The following UCK1 variants were observed in gnomAD, a reference collection of about 807,000 sequenced individuals.
The protein encoded by UCK1 is cytidine monophosphokinase 1.
Under a neutral mutation model 34.0 loss-of-function variants are expected in UCK1, and 20 were observed. That is an observed-to-expected ratio of 0.59 (90% CI 0.41 to 0.86). The LOEUF (loss-of-function observed/expected upper bound fraction) is 0.86, where lower values mean the gene tolerates loss of function less well. Among genes scored for constraint, UCK1 ranks in the 40% least tolerant of loss-of-function variants. The probability of loss-of-function intolerance (pLI) is 0.00; values close to 1 mark genes in which losing one functional copy is unlikely to be tolerated. For synonymous variants in UCK1, 168 were observed against 155.9 expected, an observed-to-expected ratio of 1.08 and a Z score of -0.58; for missense variants, 343 against 383.6, an observed-to-expected ratio of 0.89 and a Z score of 0.88.
At chr9:131,526,092 C>G in intron 5 of UCK1, 115 bp from the exon 6 acceptor site, 1 of 1,211,652 alleles carries the variant, frequency 8.3e-7, no homozygotes, top group Non-Finnish European at 1.2e-6. Context: ...CTCAGAGGTG[C>G]TGGTGTCATC....
rs1950425803 is a variant in UCK1 at position 131,523,886 on chromosome 9, C to G, written c.*1154G>C. On this transcript the variant is annotated 3_prime_UTR_variant, in exon 7 of 7. Transcript: ENST00000372215. The stretch of plus-strand genomic sequence containing the variant: ...ACCGTTACAGTTGTCAGAACCCAGC[C>G]ACAGGGCTCAGCCCCCTTCCCCCAC... The G allele has an allele frequency of 6.6e-6, 1 of 152,588 alleles. No individual in the cohort carries two copies. The highest frequency in any genetic ancestry group is 2.4e-5 in the African/African-American group (1 of 41,470). 9.5% of individuals were successfully genotyped at this position (152,588 alleles called of 1,614,324 possible).
intron 6 of UCK1, among the ~76,000 whole-genome samples, 171 bp downstream of exon 6, chr9:131,525,758 G>C (rs7040906): frequency 0.98 from 149,055 of 152,334 alleles, 73,014 homozygotes; most frequent in East Asian, 1. Context: ...CCAGTGTGAG[G>C]CACCGCGCCC....
Position 131,531,247 on chromosome 9 carries a change from C to T in UCK1, c.-73G>A, listed in dbSNP as rs1229281145. Reference sequence around the variant, plus strand: ...CAGGCCCGGCGCGCCCGCCCAGCGCCGAGGTCGGAGGCAACCGGAGCGATC... The same window carrying T: ...CAGGCCCGGCGCGCCCGCCCAGCGCTGAGGTCGGAGGCAACCGGAGCGATC... On this transcript the variant is annotated 5_prime_UTR_variant, in exon 1 of 7. Transcript: ENST00000372215. 1.6e-6 allele frequency: 2 copies of T among 1,287,728 alleles called. No individual in the cohort carries two copies. Among genetic ancestry groups the T allele is most frequent in the South Asian group, 2.0e-5 (1 of 49,906 alleles). The allele number at this position is 1,287,728 out of a possible 1,614,324, so 79.8% of individuals were successfully genotyped here.
In UCK1 at chr9:131,529,481, T is replaced by C. The variant is rs1227407145; in HGVS notation, c.365+7A>G. On this transcript the variant is annotated splice_region_variant and intron_variant, in intron 3 of 6. Transcript: ENST00000372215. Reference sequence around the variant, plus strand: ...CTCCTCGGCCCTCCCTAGAACCACCTGCTTACCTTGAGTGTGTCACAAAAT... The same window carrying C: ...CTCCTCGGCCCTCCCTAGAACCACCCGCTTACCTTGAGTGTGTCACAAAAT... 1 of 1,614,126 alleles carries C rather than the reference T, an allele frequency of 6.2e-7. No individual in the cohort carries two copies. The highest frequency in any genetic ancestry group is 2.2e-5 in the East Asian group (1 of 44,868).
chr9:131,527,154 CAA>C (rs34625466), intron 5 of UCK1, among the ~76,000 whole-genome samples: 306 of 126,716 alleles, frequency 2.4e-3, no homozygotes, highest in Admixed American at 2.8e-3. Flanking sequence ...CCCGTCTGTG[CAA>C]AAAAAAAAAA....
intron 6 of UCK1, among the ~76,000 whole-genome samples, chr9:131,525,434 G>A (rs1419015066): frequency 1.3e-5 from 2 of 152,246 alleles, no homozygotes; most frequent in South Asian, 2.1e-4. Flanking sequence ...AGGAATTTAT[G>A]TTAGAGTCTG....
Sources: allele counts gnomAD v4.1 joint callset (sites outside exome capture counted in the v4.1 genomes callset), GRCh38; gene constraint gnomAD v4.1.1; transcripts MANE v1.5; gene names NCBI Gene and HGNC (gene_info 2026-07-23, HGNC 2026-07-21).